The following OR51B5 variants were observed in gnomAD, a reference collection of about 807,000 sequenced individuals.
The protein encoded by OR51B5 is olfactory receptor 51B5.
For missense variants in OR51B5, 456 were observed against 374.6 expected (o/e 1.22, Z -1.79); for synonymous variants, 186 against 144.8 (o/e 1.28, Z -2.04).
At chr11:5,390,005 G>C in intron 1 of OR51B5, 1 of 1,613,258 alleles carries the variant, frequency 6.2e-7, no homozygotes, top group Non-Finnish European at 8.5e-7. Context: ...GGCCTGCACA[G>C]ATATCACCTT....
intron 1 of OR51B5, among the ~76,000 whole-genome samples, chr11:5,381,237 C>T (rs1365554875): frequency 6.6e-6 from 1 of 151,938 alleles, no homozygotes; most frequent in African/African-American, 2.4e-5. Flanking sequence ...AATAGGTACA[C>T]TGTTACAGTG....
At chr11:5,452,985 A>G (rs928766649) in intron 1 of OR51B5, among the ~76,000 whole-genome samples, 2 of 151,980 alleles carry the variant, frequency 1.3e-5, no homozygotes, top group African/African-American at 2.4e-5. Flanking sequence ...ACACAACATG[A>G]TACAAAACTT....
chr11:5,499,047 G>A (rs1851686320), intron 1 of OR51B5, among the ~76,000 whole-genome samples: 2 of 152,200 alleles, frequency 1.3e-5, no homozygotes, highest in South Asian at 2.1e-4. Context: ...TTCCAAGAAA[G>A]TACAAGGCTG....
chr11:5,352,276 A>T (rs770672589), intron 1 of OR51B5: 1 of 1,614,212 alleles, frequency 6.2e-7, no homozygotes, highest in South Asian at 1.1e-5. Flanking sequence ...AGTTTGTCTG[A>T]CATTTATTCA....
intron 1 of OR51B5, among the ~76,000 whole-genome samples, chr11:5,360,193 C>G (rs952074210): frequency 7.8e-6 from 1 of 128,098 alleles, no homozygotes; most frequent in Admixed American, 7.7e-5. Flanking sequence ...AAACTACCAT[C>G]AGAGTGAACA....
intron 1 of OR51B5, among the ~76,000 whole-genome samples, chr11:5,502,386 T>C (rs898242540): frequency 2.0e-5 from 3 of 152,164 alleles, no homozygotes; most frequent in East Asian, 3.9e-4. Context: ...AAAATCAGGA[T>C]TCTCTTTTAT....
chr11:5,381,897 A>G lies in OR51B5; in HGVS notation n.85-34987T>C, dbSNP rs143341505. Among the ~76,000 whole-genome samples, 1,166 of 152,354 alleles carry G rather than the reference A, an allele frequency of 7.7e-3. 10 individuals are homozygous for G. The highest frequency in any genetic ancestry group is 0.027 in the African/African-American group (1,104 of 41,580). ...TAGTTTAAAAAAGTAAGCAAATATT[A>G]GAGATCTCTAAATGGTAGGTTATCC... On this transcript the variant is annotated intron_variant and non_coding_transcript_variant, in intron 1 of 4. Transcript: ENST00000415970.
At chr11:5,498,030 C>T (rs181808513) in intron 1 of OR51B5, among the ~76,000 whole-genome samples, 31 of 152,298 alleles carry the variant, frequency 2.0e-4, no homozygotes, top group Non-Finnish European at 3.7e-4. Context: ...CTTCCACTCC[C>T]ACCTGCCCAT....
chr11:5,501,068 G>C (rs957631827), intron 1 of OR51B5, among the ~76,000 whole-genome samples: 4 of 147,874 alleles, frequency 2.7e-5, no homozygotes, highest in Non-Finnish European at 4.5e-5. Context: ...CTGAGTTTGG[G>C]GAAATTATAA....
chr11:5,408,899 C>A (rs1301080459), intron 1 of OR51B5, among the ~76,000 whole-genome samples: 2 of 152,104 alleles, frequency 1.3e-5, no homozygotes, highest in Non-Finnish European at 2.9e-5. Context: ...CTCAAAATCA[C>A]CAAAAACAAG....
intron 1 of OR51B5, among the ~76,000 whole-genome samples, chr11:5,483,933 T>A (rs1332306757): frequency 1.3e-5 from 2 of 152,066 alleles, no homozygotes; most frequent in African/African-American, 4.8e-5. Context: ...CACTCTCTCA[T>A]ACCATACTCC....
At chr11:5,392,133 G>T (rs1362898596) in intron 1 of OR51B5, 1 of 152,170 alleles carries the variant, frequency 6.6e-6, no homozygotes, top group African/African-American at 2.4e-5. Flanking sequence ...AAATATGTAT[G>T]TATGTTTGTG....
chr11:5,477,637 G>A (rs1052180181), intron 1 of OR51B5, among the ~76,000 whole-genome samples: 4 of 152,228 alleles, frequency 2.6e-5, no homozygotes, highest in South Asian at 2.1e-4. Flanking sequence ...GACAGTCGGC[G>A]CAGGTCAGTG....
chr11:5,474,885 T>C (rs1274533368), intron 1 of OR51B5, among the ~76,000 whole-genome samples: 1 of 152,132 alleles, frequency 6.6e-6, no homozygotes, highest in Non-Finnish European at 1.5e-5. Context: ...GAGAGTAAGT[T>C]TGGGGTGGTA....
At chr11:5,453,890 T>C in intron 1 of OR51B5, 1 of 1,614,238 alleles carries the variant, frequency 6.2e-7, no homozygotes, top group Non-Finnish European at 8.5e-7. Flanking sequence ...GCTATGCAAC[T>C]GTGCTCACCA....
At chr11:5,493,135 A>C (rs941631144) in intron 1 of OR51B5, among the ~76,000 whole-genome samples, 1 of 152,196 alleles carries the variant, frequency 6.6e-6, no homozygotes, top group African/African-American at 2.4e-5. Flanking sequence ...ATCTTCCACT[A>C]AATTGCTGTA....
chr11:5,479,577 A>G (rs1851381492), intron 1 of OR51B5, among the ~76,000 whole-genome samples: 1 of 151,716 alleles, frequency 6.6e-6, no homozygotes, highest in South Asian at 2.1e-4. Context: ...AAATTGGATA[A>G]AGAGTCAAGA....
intron 1 of OR51B5, among the ~76,000 whole-genome samples, chr11:5,446,913 T>C (rs967956843): frequency 6.6e-6 from 1 of 152,212 alleles, no homozygotes; most frequent in Non-Finnish European, 1.5e-5. Flanking sequence ...TAAATCGTGT[T>C]TGATAGTGTA....
At chr11:5,371,663 T>C (rs1034884020) in intron 1 of OR51B5, among the ~76,000 whole-genome samples, 5 of 152,152 alleles carry the variant, frequency 3.3e-5, no homozygotes, top group East Asian at 1.9e-4. Flanking sequence ...TCAAAAAATA[T>C]AGGATATATG....
Sources: allele counts gnomAD v4.1 joint callset (sites outside exome capture counted in the v4.1 genomes callset), GRCh38; gene constraint gnomAD v4.1.1; transcripts MANE v1.5; gene names NCBI Gene and HGNC (gene_info 2026-07-23, HGNC 2026-07-21).